The following PRLR variants were observed in gnomAD, a reference collection of about 807,000 sequenced individuals.
PRLR encodes hPRL receptor.
Under a neutral mutation model 40.2 loss-of-function variants are expected in PRLR, and 13 were observed. The ratio of observed to expected loss-of-function variants is 0.32; its 90% CI spans 0.21 to 0.51. The LOEUF is 0.51. Ranked by LOEUF, PRLR falls within the 20% of genes least tolerant of loss-of-function variation. The pLI, the probability that PRLR is intolerant of heterozygous loss-of-function variation, is 0.97. For synonymous variants in PRLR, 269 were observed against 278.7 expected (o/e 0.97, Z 0.35); for missense variants, 656 against 747.3 (o/e 0.88, Z 1.42).
intron 1 of PRLR, among the ~76,000 whole-genome samples, chr5:35,224,019 C>A (rs533753864): frequency 1.5e-3 from 229 of 152,296 alleles, no homozygotes; most frequent in Non-Finnish European, 2.5e-3. Context: ...TGGGATGTCG[C>A]AGGAGCTTGG....
At chr5:35,144,885 C>A (rs926685719) in intron 1 of PRLR, among the ~76,000 whole-genome samples, 2 of 152,168 alleles carry the variant, frequency 1.3e-5, no homozygotes, top group South Asian at 4.1e-4. Context: ...CGTGAGGTAA[C>A]TTTGCCTTTG....
intron 2 of PRLR, among the ~76,000 whole-genome samples, chr5:35,112,133 C>T (rs190386140): frequency 6.6e-6 from 1 of 152,328 alleles, no homozygotes; most frequent in African/African-American, 2.4e-5. Context: ...CTGTGCCCTG[C>T]TTCTTAGCCT....
At chr5:35,103,279 G>A (rs1320931395) in intron 2 of PRLR, among the ~76,000 whole-genome samples, 1 of 152,132 alleles carries the variant, frequency 6.6e-6, no homozygotes, top group Non-Finnish European at 1.5e-5. Context: ...TAAAAGGTAA[G>A]CGCTATTGTC....
chr5:35,180,282 GCCATGGA>G (rs1775259098), intron 1 of PRLR, among the ~76,000 whole-genome samples: 1 of 152,110 alleles, frequency 6.6e-6, no homozygotes, highest in African/African-American at 2.4e-5. Flanking sequence ...TTTCTAACAG[GCCATGGA>G]CCAATACTGA....
chr5:35,203,641 G>A (rs761084133), intron 1 of PRLR, among the ~76,000 whole-genome samples: 9 of 152,026 alleles, frequency 5.9e-5, no homozygotes, highest in Non-Finnish European at 7.4e-5. Flanking sequence ...AGATCTGATG[G>A]GTCTCTGTGC....
chr5:35,119,894 G>A (rs566151109), intron 1 of PRLR, among the ~76,000 whole-genome samples: 4 of 152,142 alleles, frequency 2.6e-5, no homozygotes, highest in Admixed American at 1.3e-4. Flanking sequence ...CGGGGCAGGC[G>A]GGCATAAAGG....
chr5:35,058,086 G>C lies in PRLR; in HGVS notation c.*7003C>G, dbSNP rs1326875241. On this transcript the variant is annotated 3_prime_UTR_variant, in exon 10 of 10. Coordinates refer to ENST00000618457, the MANE Select transcript of PRLR (RefSeq NM_000949.7). ...TTATAAAATATAAACATGTAAGAAT[G>C]GTTATTCAGAAACTCTTGCATAACC... 6 of 151,808 alleles carry C rather than the reference G, an allele frequency of 4.0e-5. No homozygotes were observed. Among genetic ancestry groups the C allele is most frequent in the Non-Finnish European group, 7.4e-5 (5 of 67,978 alleles). 9.4% of individuals were successfully genotyped at this position (151,808 alleles called of 1,614,324 possible).
In PRLR at chr5:35,060,061, T is replaced by A. The variant is rs1001619011; in HGVS notation, c.*5028A>T. 2.0e-5 allele frequency: 3 copies of A among 152,242 alleles called. No homozygotes were observed. Among genetic ancestry groups the A allele is most frequent in the African/African-American group, 7.2e-5 (3 of 41,462 alleles). 9.4% of individuals were successfully genotyped at this position (152,242 alleles called of 1,614,324 possible). A position where few individuals can be genotyped will look rare whatever the true frequency, so the allele number is the denominator to read the frequency against. The stretch of plus-strand genomic sequence containing the variant: ...GTTGCGTAGGCTGGGCATGGATTTA[T>A]TAATGGCTTTTGAATTAACTAAATA... On this transcript the variant is annotated 3_prime_UTR_variant, in exon 10 of 10. Coordinates refer to ENST00000618457, the MANE Select transcript of PRLR (RefSeq NM_000949.7).
In PRLR at chr5:35,128,422, T is replaced by C. The variant is rs977847120; in HGVS notation, c.-105-10300A>G. 3.3e-5 allele frequency among the ~76,000 whole-genome samples: 5 copies of C among 151,846 alleles called. 1 individual carries two copies. The highest frequency in any genetic ancestry group is 3.3e-4 in the Admixed American group (5 of 15,278). Reference sequence around the variant, plus strand: ...CTTTAAATCATCTCTAGGTTACTTATAATACTGAATACAATGCGAATACTA... The same window carrying C: ...CTTTAAATCATCTCTAGGTTACTTACAATACTGAATACAATGCGAATACTA... On this transcript the variant is annotated intron_variant, in intron 1 of 9. Coordinates refer to ENST00000618457, the MANE Select transcript of PRLR (RefSeq NM_000949.7).
intron 1 of PRLR, chr5:35,195,031 CT>C (rs1249996246): frequency 1.3e-5 from 2 of 152,206 alleles, no homozygotes; most frequent in African/African-American, 4.8e-5. Flanking sequence ...TCTGTACTTT[CT>C]GTTCAATTTT....
chr5:35,163,400 C>T (rs976741500), intron 1 of PRLR, among the ~76,000 whole-genome samples: 1 of 152,120 alleles, frequency 6.6e-6, no homozygotes, highest in African/African-American at 2.4e-5. Context: ...GTGGGATTTA[C>T]TTTGCCTGAA....
At chr5:35,053,269 G>A (rs559569768), downstream of PRLR, among the ~76,000 whole-genome samples, 6 of 152,284 alleles carry the variant, frequency 3.9e-5, no homozygotes, top group Middle Eastern at 3.4e-3. Context: ...TGGTGATACC[G>A]TTGTAAAAAT....
chr5:35,151,976 T>C (rs1270032016), intron 1 of PRLR, among the ~76,000 whole-genome samples: 4 of 152,218 alleles, frequency 2.6e-5, no homozygotes, highest in Admixed American at 1.3e-4. Context: ...GTTGGGCTTG[T>C]TTGTTACCAC....
chr5:35,052,325 T>A (rs1355476618), downstream of PRLR, among the ~76,000 whole-genome samples: 1 of 152,174 alleles, frequency 6.6e-6, no homozygotes, highest in Non-Finnish European at 1.5e-5. Context: ...AAGTTACACA[T>A]TAATTAACAG....
intron 2 of PRLR, among the ~76,000 whole-genome samples, chr5:35,112,312 A>C (rs1229551680): frequency 6.6e-6 from 1 of 152,160 alleles, no homozygotes; most frequent in Non-Finnish European, 1.5e-5. Context: ...ATTTCATTGA[A>C]AAACTCATTT....
intron 5 of PRLR, among the ~76,000 whole-genome samples, chr5:35,076,578 C>G (rs1561273293): frequency 6.6e-6 from 1 of 152,128 alleles, no homozygotes; most frequent in Non-Finnish European, 1.5e-5. Flanking sequence ...ATTGGTGTAC[C>G]TGAAAGTGAC....
intron 1 of PRLR, among the ~76,000 whole-genome samples, chr5:35,194,677 T>A (rs1464795484): frequency 6.6e-6 from 1 of 152,218 alleles, no homozygotes; most frequent in African/African-American, 2.4e-5. Context: ...CAGAAAAGAC[T>A]ACATTCTGCA....
intron 1 of PRLR, among the ~76,000 whole-genome samples, chr5:35,212,562 T>G (rs1776196932): frequency 6.6e-6 from 1 of 152,238 alleles, no homozygotes; most frequent in South Asian, 2.1e-4. Flanking sequence ...CTTCCCTTTT[T>G]TCCCCCCAGT....
At chr5:35,223,539 C>T (rs1776474050) in intron 1 of PRLR, among the ~76,000 whole-genome samples, 1 of 152,208 alleles carries the variant, frequency 6.6e-6, no homozygotes, top group South Asian at 2.1e-4. Context: ...TTTCCACTGC[C>T]ACACCACTGT....
Sources: gnomAD v4.1 joint callset for allele counts (sites outside exome capture counted in the v4.1 genomes callset) on GRCh38, gnomAD v4.1.1 for gene constraint, MANE v1.5 for transcripts, NCBI Gene and HGNC (gene_info 2026-07-23, HGNC 2026-07-21) for gene names.